The following SLC25A17 variants were observed in gnomAD, a reference collection of about 807,000 sequenced individuals.
The protein encoded by SLC25A17 is solute carrier family 25 member 17, also known as peroxisomal membrane protein PMP34.
SLC25A17 carries 26 observed loss-of-function variants against 38.5 expected under a neutral mutation model. The observed-to-expected ratio is 0.68, with a 90% CI of 0.50 to 0.94. The LOEUF is 0.94. Among genes scored for constraint, SLC25A17 ranks in the 40% least tolerant of loss-of-function variants. SLC25A17 has a pLI of 0.00. For synonymous variants in SLC25A17, 139 were observed against 136.2 expected (o/e 1.02, Z -0.14); for missense variants, 333 against 372.7 (o/e 0.89, Z 0.88).
At position 40,797,463 on chromosome 22, in the gene SLC25A17, G is replaced by T. The variant is rs937597665; in HGVS notation, c.115+1560C>A. On this transcript the variant is annotated intron_variant, in intron 2 of 8. Transcript: ENST00000435456. ...TGTGGCTCCAGTATGTTCCTATTCT[G>T]CCTCTTCTTTTGACACCATCTAACT... 80 of 445,174 alleles carry T rather than the reference G, an allele frequency of 1.8e-4. 1 individual carries two copies. In the Admixed American group the frequency reaches 1.9e-3, roughly 11 times the overall value. 27.6% of individuals were successfully genotyped at this position (445,174 alleles called of 1,614,324 possible).
intron 1 of SLC25A17, among the ~76,000 whole-genome samples, chr22:40,801,154 T>A (rs1366527154): frequency 1.5e-5 from 2 of 132,876 alleles, no homozygotes; most frequent in African/African-American, 6.7e-5. Flanking sequence ...TATATATATA[T>A]ATATATATAT....
In SLC25A17 at chr22:40,794,580, A is replaced by G. The variant is rs1006732863; in HGVS notation, c.116T>C (p.Val39Ala). The G allele has an allele frequency of 2.7e-5, 44 of 1,604,508 alleles. No homozygotes were observed. The highest frequency in any genetic ancestry group is 3.8e-5 in the Non-Finnish European group (44 of 1,171,884). Residue 39 changes from valine (V) to alanine (A), a missense_variant and splice_region_variant, in exon 3 of 9, where the codon GTT becomes GCT. By Grantham distance (64) the Val-to-Ala change is moderately conservative (BLOSUM62 0). Coordinates refer to ENST00000435456, the MANE Select transcript of SLC25A17 (RefSeq NM_006358.4). Reference protein sequence around the residue: ...PLDTARLRLQVDEKRKSKTTH... With the variant: ...PLDTARLRLQADEKRKSKTTH... ...AGTTTTGGATTTTCTTTTCTCATCA[A>G]CTACAAGACCAAACAGTGCATGTTT...
At chr22:40,800,510 T>C (rs2057471352) in intron 1 of SLC25A17, among the ~76,000 whole-genome samples, 1 of 152,228 alleles carries the variant, frequency 6.6e-6, no homozygotes, top group African/African-American at 2.4e-5. Context: ...GCAATTTTCC[T>C]GCCTTAGCAT....
At chr22:40,783,325 C>G (rs1265648687) in intron 4 of SLC25A17, among the ~76,000 whole-genome samples, 1 of 152,182 alleles carries the variant, frequency 6.6e-6, no homozygotes, top group African/African-American at 2.4e-5. Flanking sequence ...TCCCTGGCCT[C>G]TACCCACTAG....
chr22:40,814,299 C>T (rs1309251162), intron 1 of SLC25A17, among the ~76,000 whole-genome samples: 4 of 152,220 alleles, frequency 2.6e-5, no homozygotes, highest in Admixed American at 2.0e-4. Context: ...GCTCTGCCCA[C>T]ATCAAGGATT....
chr22:40,817,371 G>A (rs1434308376), intron 1 of SLC25A17: 1 of 152,284 alleles, frequency 6.6e-6, no homozygotes, highest in African/African-American at 2.4e-5. Context: ...GCCTCTTAAT[G>A]GTTAGCCTGC....
At chr22:40,790,631 CAG>C (rs1569405368) in intron 4 of SLC25A17, among the ~76,000 whole-genome samples, 1 of 152,074 alleles carries the variant, frequency 6.6e-6, no homozygotes, top group Non-Finnish European at 1.5e-5. Flanking sequence ...ATGAACAGGA[CAG>C]AGAGAGTAAC....
At chr22:40,777,475 C>A (rs918047364) in intron 5 of SLC25A17, 102 bp from the exon 6 acceptor site, 1 of 1,305,982 alleles carries the variant, frequency 7.7e-7, no homozygotes, top group Admixed American at 2.2e-5. Context: ...ACAAACCATA[C>A]TGGTTCTATA....
chr22:40,818,551 A>T lies in SLC25A17; in HGVS notation c.54+644T>A, dbSNP rs7292043. 1.8e-3 allele frequency among the ~76,000 whole-genome samples: 278 copies of T among 151,972 alleles called. 1 individual carries two copies. The highest frequency in any genetic ancestry group is 3.1e-3 in the South Asian group (15 of 4,806). On this transcript the variant is annotated intron_variant, in intron 1 of 8. Transcript: ENST00000435456. ...CTGCCAGACCCCAAAAATTTTTTTT[A>T]AAAATGTAGCCGGGTGTGGTGGCTC...
In SLC25A17 at chr22:40,797,245, G is replaced by A. The variant is rs1346664690; in HGVS notation, c.115+1778C>T. On this transcript the variant is annotated intron_variant, in intron 2 of 8. Coordinates refer to ENST00000435456, the MANE Select transcript of SLC25A17 (RefSeq NM_006358.4). ...ATTACCCAAAAATAGTAGGCATAAA[G>A]GGTTTAACCTTTGAATTACTATTGA... is the stretch of plus-strand genomic sequence containing the variant. 6 of 1,022,658 alleles carry A rather than the reference G, an allele frequency of 5.9e-6. No homozygotes were observed. In the Admixed American group the frequency reaches 1.4e-4, roughly 24 times the overall value. 63.3% of individuals were successfully genotyped at this position (1,022,658 alleles called of 1,614,324 possible).
chr22:40,816,575 T>C (rs779329226), intron 1 of SLC25A17, among the ~76,000 whole-genome samples: 12 of 151,714 alleles, frequency 7.9e-5, no homozygotes, highest in African/African-American at 1.7e-4. Flanking sequence ...AAAATTATTC[T>C]ACTTATTTTT....
chr22:40,778,631 A>C (rs1427578692), intron 5 of SLC25A17, among the ~76,000 whole-genome samples: 2 of 152,216 alleles, frequency 1.3e-5, no homozygotes, highest in Non-Finnish European at 2.9e-5. Flanking sequence ...GGTTTGTTAC[A>C]TATGTATATA....
At chr22:40,815,884 A>G (rs1385984789) in intron 1 of SLC25A17, among the ~76,000 whole-genome samples, 1 of 152,172 alleles carries the variant, frequency 6.6e-6, no homozygotes, top group African/African-American at 2.4e-5. Flanking sequence ...AGGCATAAAC[A>G]AAGTTAGAAA....
intron 2 of SLC25A17, chr22:40,798,092 T>C (rs576642324): frequency 1.3e-5 from 2 of 152,430 alleles, no homozygotes; most frequent in African/African-American, 4.8e-5. Context: ...TCACAGGGTG[T>C]GTGGAGAAAA....
rs552156350 is a variant in SLC25A17, at chr22:40,774,601, G to GA, written c.694-583dup. 4.1e-3 allele frequency among the ~76,000 whole-genome samples: 625 copies of GA among 151,850 alleles called. 2 individuals are homozygous for GA. The highest frequency in any genetic ancestry group is 6.8e-3 in the Non-Finnish European group (464 of 67,916). On this transcript the variant is annotated intron_variant, in intron 7 of 8. Coordinates refer to ENST00000435456, the MANE Select transcript of SLC25A17 (RefSeq NM_006358.4). ...GTATAGGGAAAATTCTACCTCAAAA[G>GA]AAAAAAATATGCCCAGGATGATGAT...
In SLC25A17 at chr22:40,819,256, G is replaced by A; in HGVS notation, c.-8C>T. ...GGACAGCACGGAAGCCATTGGTGCG[G>A]CTCCTCGAAGACCCAGCCACACTTT... On this transcript the variant is annotated 5_prime_UTR_variant, in exon 1 of 9. Transcript: ENST00000435456. 6.2e-7 allele frequency: 1 copy of A among 1,613,638 alleles called. No homozygotes were observed. Among genetic ancestry groups the A allele is most frequent in the Non-Finnish European group, 8.5e-7 (1 of 1,179,896 alleles).
chr22:40,773,448 T>C (rs1361057310), intron 8 of SLC25A17, among the ~76,000 whole-genome samples: 2 of 147,250 alleles, frequency 1.4e-5, no homozygotes, highest in Non-Finnish European at 3.0e-5. Context: ...TGAGATTACC[T>C]ATGTGTAGCC....
chr22:40,798,952 A>G, intron 2 of SLC25A17, 71 bp downstream of exon 2: 1 of 1,174,130 alleles, frequency 8.5e-7, no homozygotes, highest in Non-Finnish European at 1.2e-6. Flanking sequence ...TCAAAAAAAA[A>G]AAAAAAGAAA....
At chr22:40,772,074 T>A (rs1341959355) in intron 8 of SLC25A17, among the ~76,000 whole-genome samples, 2 of 151,542 alleles carry the variant, frequency 1.3e-5, no homozygotes, top group Admixed American at 6.6e-5. Context: ...TGTGTAGACA[T>A]ATGCCTTCAT....
Sources: gnomAD v4.1 joint callset for allele counts (sites outside exome capture counted in the v4.1 genomes callset) on GRCh38, gnomAD v4.1.1 for gene constraint, MANE v1.5 for transcripts, NCBI Gene and HGNC (gene_info 2026-07-23, HGNC 2026-07-21) for gene names.